Variants in GREB1L observed in about 807,000 individuals in gnomAD.
The protein encoded by GREB1L is GREB1-like protein.
A neutral mutation model predicts 200.8 loss-of-function variants in GREB1L; 17 were observed. The ratio of observed to expected loss-of-function variants is 0.08; its 90% confidence interval spans 0.06 to 0.13. GREB1L has a LOEUF of 0.13. Among genes scored for constraint, GREB1L ranks in the 10% least tolerant of loss-of-function variants. GREB1L has a pLI of 1.00. For missense variants in GREB1L, 1,657 were observed against 2,367.7 expected (o/e 0.70, Z 6.23); for synonymous variants, 789 against 893.0 (o/e 0.88, Z 2.08).
chr18:21,512,050 CT>C (rs1381128631), intron 27 of GREB1L, among the ~76,000 whole-genome samples: 2 of 152,158 alleles, frequency 1.3e-5, no homozygotes, highest in Admixed American at 1.3e-4. Context: ...TCTGGGCTTT[CT>C]ATAGGCCCAG....
chr18:21,381,740 A>G (rs1191321527), intron 2 of GREB1L, among the ~76,000 whole-genome samples: 1 of 152,230 alleles, frequency 6.6e-6, no homozygotes, highest in Non-Finnish European at 1.5e-5. Flanking sequence ...AGGAATGGAC[A>G]GCTGACCCAT....
chr18:21,476,652 C>G (rs2035711876), intron 16 of GREB1L, among the ~76,000 whole-genome samples: 1 of 151,920 alleles, frequency 6.6e-6, no homozygotes, highest in African/African-American at 2.4e-5. Flanking sequence ...TCACCGCCAC[C>G]TCCTCCTCCT....
At chr18:21,473,584 A>G (rs1055681938) in intron 16 of GREB1L, among the ~76,000 whole-genome samples, 29 of 105,790 alleles carry the variant, frequency 2.7e-4, no homozygotes, top group East Asian at 1.2e-3. Context: ...AAAAAAAAAA[A>G]AAAGAAAGAA....
At chr18:21,436,578 G>C (rs2033547867) in intron 7 of GREB1L, among the ~76,000 whole-genome samples, 1 of 152,056 alleles carries the variant, frequency 6.6e-6, no homozygotes, top group Admixed American at 6.5e-5. Flanking sequence ...AGGCTGCAGT[G>C]AGCCATGTTT....
intron 1 of GREB1L, among the ~76,000 whole-genome samples, chr18:21,270,270 A>G (rs1176211432): frequency 1.3e-5 from 2 of 152,236 alleles, no homozygotes; most frequent in African/African-American, 4.8e-5. Flanking sequence ...AGTGTTTCAC[A>G]GGCAGAGATG....
chr18:21,291,544 G>C (rs182518232), intron 1 of GREB1L, among the ~76,000 whole-genome samples: 5 of 152,298 alleles, frequency 3.3e-5, no homozygotes, highest in African/African-American at 1.2e-4. Flanking sequence ...CCTGTGTCAT[G>C]TTTATCCTTT....
At chr18:21,497,813 C>CG (rs1023387757) in intron 21 of GREB1L, among the ~76,000 whole-genome samples, 8 of 121,098 alleles carry the variant, frequency 6.6e-5, no homozygotes, top group Admixed American at 1.6e-4. Context: ...CCCTCACCAC[C>CG]CCCCCCCCTT....
chr18:21,382,356 TAAAA>T (rs1185568039), intron 2 of GREB1L, among the ~76,000 whole-genome samples: 1 of 151,934 alleles, frequency 6.6e-6, no homozygotes, highest in Admixed American at 6.6e-5. Flanking sequence ...AAAAAATTTT[TAAAA>T]AAATAGTTTT....
chr18:21,407,897 C>T (rs1161698187), intron 7 of GREB1L, among the ~76,000 whole-genome samples: 1 of 152,116 alleles, frequency 6.6e-6, no homozygotes, highest in African/African-American at 2.4e-5. Flanking sequence ...TTCTCACTTA[C>T]ACGTGGGAGC....
chr18:21,412,847 C>T (rs977730321), intron 7 of GREB1L, among the ~76,000 whole-genome samples: 4 of 152,098 alleles, frequency 2.6e-5, no homozygotes, highest in African/African-American at 7.2e-5. Context: ...TACCACCCCC[C>T]CCCACCACCA....
At chr18:21,478,451 T>C (rs961213361) in intron 17 of GREB1L, among the ~76,000 whole-genome samples, 6 of 152,124 alleles carry the variant, frequency 3.9e-5, no homozygotes, top group African/African-American at 1.2e-4. Flanking sequence ...AAAATAAACA[T>C]GTTTAAGTAA....
intron 1 of GREB1L, among the ~76,000 whole-genome samples, chr18:21,295,187 C>T (rs756353512): frequency 5.3e-5 from 8 of 152,048 alleles, no homozygotes; most frequent in Non-Finnish European, 1.0e-4. Context: ...TTAGGGAATT[C>T]GTCAGTTAAA....
chr18:21,402,836 A>G (rs1417782212), intron 6 of GREB1L, among the ~76,000 whole-genome samples: 1 of 152,050 alleles, frequency 6.6e-6, no homozygotes, highest in Non-Finnish European at 1.5e-5. Flanking sequence ...TTTTTCTAAT[A>G]AAGAATAACA....
At chr18:21,284,156 G>C (rs756279165) in intron 1 of GREB1L, among the ~76,000 whole-genome samples, 4 of 152,000 alleles carry the variant, frequency 2.6e-5, no homozygotes, top group Non-Finnish European at 5.9e-5. Context: ...TCAATGGTCT[G>C]TTAAAATAAA....
chr18:21,250,902 A>G (rs2037691642), intron 1 of GREB1L, among the ~76,000 whole-genome samples: 1 of 152,116 alleles, frequency 6.6e-6, no homozygotes, highest in Non-Finnish European at 1.5e-5. Context: ...CTTGAAATCT[A>G]ACCACGCTAA....
At chr18:21,455,632 A>T (rs1425143251) in intron 15 of GREB1L, among the ~76,000 whole-genome samples, 1 of 151,988 alleles carries the variant, frequency 6.6e-6, no homozygotes, top group East Asian at 1.9e-4. Context: ...GTGGTGAACC[A>T]AGACACTGCA....
intron 1 of GREB1L, among the ~76,000 whole-genome samples, chr18:21,351,508 G>A (rs1451326365): frequency 6.6e-6 from 1 of 151,940 alleles, no homozygotes; most frequent in African/African-American, 2.4e-5. Context: ...AGGAGGTGGA[G>A]GTTGCAGTGA....
chr18:21,513,945 A>G lies in GREB1L; in HGVS notation c.4860A>G (p.Ser1620=), dbSNP rs1412708218. ...CTTTCATCGTCATGATGGATGACTCATGTGTCCTATGGAACATTCACAGTG... is the reference window on the plus strand; with the variant it reads ...CTTTCATCGTCATGATGGATGACTCGTGTGTCCTATGGAACATTCACAGTG... ...VWPFIVMMDD[S]CVLWNIHSVQ... is the part of the protein sequence containing the mutation. The change falls in exon 28 of 33, where the codon TCA becomes TCG. Residue 1620 remains serine (S), a synonymous_variant. Coordinates refer to ENST00000424526, the MANE Select transcript of GREB1L (RefSeq NM_001142966.3). The G allele has an allele frequency of 2.6e-6, 4 of 1,551,568 alleles. No homozygotes were observed. The highest frequency in any genetic ancestry group is 1.4e-5 in the African/African-American group (1 of 73,032).
chr18:21,301,287 G>A (rs2038613490), intron 1 of GREB1L, among the ~76,000 whole-genome samples: 1 of 152,172 alleles, frequency 6.6e-6, no homozygotes, highest in Non-Finnish European at 1.5e-5. Flanking sequence ...ACAGGAGGAG[G>A]CCATCCTTGG....
Sources: gnomAD v4.1 joint callset for allele counts (sites outside exome capture counted in the v4.1 genomes callset) on GRCh38, gnomAD v4.1.1 for gene constraint, MANE v1.5 for transcripts, NCBI Gene and HGNC (gene_info 2026-07-23, HGNC 2026-07-21) for gene names.